TENM2: variants seen among roughly 807,000 people sequenced by gnomAD.
The protein encoded by TENM2 is teneurin-2.
Under a neutral mutation model 245.2 loss-of-function variants are expected in TENM2, and 52 were observed. The ratio of observed to expected loss-of-function variants is 0.21; its 90% CI spans 0.17 to 0.27. The LOEUF (loss-of-function observed/expected upper bound fraction) is 0.27, where lower values mean the gene tolerates loss of function less well. Ranked by LOEUF, TENM2 falls within the 10% of genes least tolerant of loss-of-function variation. TENM2 has a pLI of 1.00. For synonymous variants in TENM2, 1,363 were observed against 1,438.9 expected, an observed-to-expected ratio of 0.95 and a Z score of 1.19; for missense variants, 3,046 against 3,666.8, an observed-to-expected ratio of 0.83 and a Z score of 4.37.
intron 2 of TENM2, among the ~76,000 whole-genome samples, chr5:167,664,908 A>G (rs1261489277): frequency 1.3e-5 from 2 of 152,190 alleles, no homozygotes; most frequent in Non-Finnish European, 2.9e-5. Flanking sequence ...TTTGGTTTGT[A>G]CAACCTTAAG....
At chr5:167,894,006 A>G (rs1296663772) in intron 3 of TENM2, among the ~76,000 whole-genome samples, 3 of 152,200 alleles carry the variant, frequency 2.0e-5, no homozygotes, top group Non-Finnish European at 4.4e-5. Flanking sequence ...GTCCTAGAAA[A>G]ATATAGCAAG....
At chr5:167,499,412 T>C (rs182235167) in intron 2 of TENM2, among the ~76,000 whole-genome samples, 1 of 152,266 alleles carries the variant, frequency 6.6e-6, no homozygotes, top group East Asian at 1.9e-4. Context: ...AGTCCTTCTG[T>C]TTTAGAGATG....
At chr5:167,686,960 C>G (rs1311880347) in intron 2 of TENM2, among the ~76,000 whole-genome samples, 1 of 152,100 alleles carries the variant, frequency 6.6e-6, no homozygotes, top group Non-Finnish European at 1.5e-5. Context: ...CAAAACAGCC[C>G]CAGCTTCATC....
At chr5:167,544,013 TG>T (rs1772388276) in intron 2 of TENM2, among the ~76,000 whole-genome samples, 1 of 152,222 alleles carries the variant, frequency 6.6e-6, no homozygotes, top group Admixed American at 6.5e-5. Context: ...TCTGTGGTAC[TG>T]GGGTCCAGGA....
the TENM2 span, among the ~76,000 whole-genome samples, chr5:167,020,826 T>C: frequency 6.6e-6 from 1 of 152,194 alleles, no homozygotes; most frequent in Non-Finnish European, 1.5e-5. Context: ...AAAAAAGATA[T>C]TAAAGGGATG....
In TENM2 at chr5:167,660,815, A is replaced by T. The variant is rs1293368973; in HGVS notation, c.503-215171A>T. Among the ~76,000 whole-genome samples the T allele has an allele frequency of 1.3e-5, 2 of 152,138 alleles. 1 individual carries two copies. Among genetic ancestry groups the T allele is most frequent in the East Asian group, 3.9e-4 (2 of 5,194 alleles). ...TATTACATATTTTATGTTCCTTAAC[A>T]TATTATATGTATCAGCCATATTTAT... On this transcript the variant is annotated intron_variant, in intron 2 of 28. Transcript: ENST00000518659.
intron 2 of TENM2, among the ~76,000 whole-genome samples, chr5:167,547,921 C>T (rs1244683384): frequency 1.3e-5 from 2 of 152,130 alleles, no homozygotes; most frequent in Non-Finnish European, 2.9e-5. Flanking sequence ...TCATTTACAC[C>T]AAATCAGAAA....
At chr5:167,139,639 T>C in the TENM2 span, among the ~76,000 whole-genome samples, 1 of 152,212 alleles carries the variant, frequency 6.6e-6, no homozygotes, top group African/African-American at 2.4e-5. Context: ...CGTTAGCTAA[T>C]GGTTGTGTGT....
chr5:168,204,120 C>A (rs900375432), intron 18 of TENM2, among the ~76,000 whole-genome samples: 1 of 152,024 alleles, frequency 6.6e-6, no homozygotes. Context: ...AAATGATCCT[C>A]CTGCCCCAGC....
intron 12 of TENM2, among the ~76,000 whole-genome samples, chr5:168,136,630 G>T (rs1359377113): frequency 1.3e-5 from 2 of 152,122 alleles, no homozygotes; most frequent in South Asian, 4.1e-4. Flanking sequence ...TGCCAATAGT[G>T]GCTCTCCCAT....
At chr5:167,096,921 GAAATT>G in the TENM2 span, among the ~76,000 whole-genome samples, 1 of 152,122 alleles carries the variant, frequency 6.6e-6, no homozygotes, top group Non-Finnish European at 1.5e-5. Flanking sequence ...TTAAACTGCT[GAAATT>G]GTTTGGTTTT....
chr5:167,254,682 T>C, the TENM2 span, among the ~76,000 whole-genome samples: 1 of 152,144 alleles, frequency 6.6e-6, no homozygotes, highest in African/African-American at 2.4e-5. Flanking sequence ...ATGACTGCTA[T>C]GACATAATAA....
chr5:167,228,232 G>C, the TENM2 span, among the ~76,000 whole-genome samples: 1 of 152,002 alleles, frequency 6.6e-6, no homozygotes, highest in South Asian at 2.1e-4. Context: ...ATTTCACCAT[G>C]ATGGCCAGGC....
At chr5:168,021,964 A>ACTGT (rs1039010534) in intron 5 of TENM2, among the ~76,000 whole-genome samples, 1 of 152,192 alleles carries the variant, frequency 6.6e-6, no homozygotes. Context: ...AAACAATCCT[A>ACTGT]CATCACAAGA....
chr5:167,022,660 T>C, the TENM2 span, among the ~76,000 whole-genome samples: 1 of 152,174 alleles, frequency 6.6e-6, no homozygotes, highest in South Asian at 2.1e-4. Context: ...TTTGAAAAAT[T>C]TGGCGATCTG....
intron 6 of TENM2, among the ~76,000 whole-genome samples, chr5:168,060,849 G>C (rs1192324683): frequency 6.6e-6 from 1 of 152,128 alleles, no homozygotes; most frequent in African/African-American, 2.4e-5. Context: ...TGTCAGACAG[G>C]CTCGCTCACC....
At chr5:167,419,531 A>G (rs1763367003) in intron 2 of TENM2, among the ~76,000 whole-genome samples, 1 of 152,192 alleles carries the variant, frequency 6.6e-6, no homozygotes, top group Non-Finnish European at 1.5e-5. Context: ...AAATTTCATC[A>G]GCATCTTTTC....
At chr5:167,418,498 A>G (rs746030437) in intron 2 of TENM2, among the ~76,000 whole-genome samples, 5 of 152,126 alleles carry the variant, frequency 3.3e-5, no homozygotes, top group Non-Finnish European at 7.4e-5. Flanking sequence ...GGTAAATTGC[A>G]GGAAAATTAG....
chr5:167,368,696 G>C (rs1760211728), intron 1 of TENM2, among the ~76,000 whole-genome samples: 1 of 152,110 alleles, frequency 6.6e-6, no homozygotes, highest in African/African-American at 2.4e-5. Context: ...GGTGTACTTT[G>C]TGTATACTGT....
Sources: allele counts gnomAD v4.1 joint callset (sites outside exome capture counted in the v4.1 genomes callset), GRCh38; gene constraint gnomAD v4.1.1; transcripts MANE v1.5; gene names NCBI Gene and HGNC (gene_info 2026-07-23, HGNC 2026-07-21).